PARN: variants seen among roughly 807,000 people sequenced by gnomAD.
PARN encodes the protein poly(A)-specific ribonuclease.
In PARN, 71 loss-of-function variants were observed where a neutral mutation model predicts 102.8. The observed-to-expected ratio is 0.69, with a 90% CI of 0.57 to 0.84. The LOEUF is 0.84. Among genes scored for constraint, PARN ranks in the 40% least tolerant of loss-of-function variants. The probability of loss-of-function intolerance (pLI) is 0.00; values close to 1 mark genes in which losing one functional copy is unlikely to be tolerated. For synonymous variants in PARN, 261 were observed against 252.9 expected (o/e 1.03, Z -0.30); for missense variants, 782 against 760.9 (o/e 1.03, Z -0.33).
intron 18 of PARN, among the ~76,000 whole-genome samples, chr16:14,572,667 A>G (rs548389117): frequency 1.3e-5 from 2 of 152,240 alleles, no homozygotes; most frequent in Non-Finnish European, 2.9e-5. Flanking sequence ...TCATGCTTCT[A>G]TTACGTACCA....
At chr16:14,458,109 T>C (rs1252028935) in intron 22 of PARN, among the ~76,000 whole-genome samples, 1 of 152,164 alleles carries the variant, frequency 6.6e-6, no homozygotes, top group African/African-American at 2.4e-5. Context: ...CTATTTTGAA[T>C]ATTTCAAACA....
chr16:14,444,787 G>C (rs1961121141), intron 23 of PARN, among the ~76,000 whole-genome samples: 1 of 152,102 alleles, frequency 6.6e-6, no homozygotes, highest in Non-Finnish European at 1.5e-5. Flanking sequence ...TGAAGACTAA[G>C]GATGCTACAG....
At chr16:14,574,356 T>C (rs576077557) in intron 18 of PARN, among the ~76,000 whole-genome samples, 1 of 152,296 alleles carries the variant, frequency 6.6e-6, no homozygotes, top group East Asian at 1.9e-4. Flanking sequence ...GTTAAAGGCA[T>C]TCAGTTTTAT....
intron 21 of PARN, among the ~76,000 whole-genome samples, chr16:14,522,512 A>G (rs1017735627): frequency 3.3e-5 from 5 of 152,198 alleles, no homozygotes; most frequent in South Asian, 2.1e-4. Context: ...TGGTCTCTTA[A>G]TAAGAGGGAA....
chr16:14,565,152 C>T (rs1202680762), intron 18 of PARN: 1 of 152,142 alleles, frequency 6.6e-6, no homozygotes, highest in Non-Finnish European at 1.5e-5. Context: ...CTAATTTTAT[C>T]ATCCAGGGTA....
At chr16:14,612,739 A>AG (rs888539452) in intron 6 of PARN, among the ~76,000 whole-genome samples, 1 of 151,752 alleles carries the variant, frequency 6.6e-6, no homozygotes, top group African/African-American at 2.4e-5. Flanking sequence ...CTGGGATTAC[A>AG]GGCGCCCGCC....
At chr16:14,614,846 C>CAA (rs57502376) in intron 6 of PARN, among the ~76,000 whole-genome samples, 686 of 37,668 alleles carry the variant, frequency 0.018, 73 homozygotes, top group Non-Finnish European at 0.022. Context: ...GAAACTGTCT[C>CAA]AAAAAAAAAA....
chr16:14,594,240 A>C (rs1042427975), intron 12 of PARN, among the ~76,000 whole-genome samples: 2 of 152,224 alleles, frequency 1.3e-5, no homozygotes, highest in Non-Finnish European at 2.9e-5. Flanking sequence ...ATCCATTAAA[A>C]GTCACTGCCT....
chr16:14,539,181 C>G (rs769680853), intron 21 of PARN, among the ~76,000 whole-genome samples: 1 of 152,208 alleles, frequency 6.6e-6, no homozygotes, highest in Admixed American at 6.5e-5. Context: ...CTGTCTTTCA[C>G]AAAACCAGTC....
At chr16:14,605,604 T>C (rs1971130824) in intron 10 of PARN, among the ~76,000 whole-genome samples, 1 of 152,342 alleles carries the variant, frequency 6.6e-6, no homozygotes, top group Non-Finnish European at 1.5e-5. Flanking sequence ...TTCTTTCTCA[T>C]ATATTTTGTG....
intron 20 of PARN, 66 bp from the exon 21 acceptor site, chr16:14,552,161 C>T (rs1967346386): frequency 4.3e-6 from 4 of 929,980 alleles, no homozygotes; most frequent in African/African-American, 3.3e-5. Flanking sequence ...ATTTAATGCG[C>T]GTATCTTACA....
At chr16:14,518,830 G>C (rs1965594412) in intron 21 of PARN, among the ~76,000 whole-genome samples, 1 of 152,140 alleles carries the variant, frequency 6.6e-6, no homozygotes, top group Non-Finnish European at 1.5e-5. Flanking sequence ...ATTTTTAAAA[G>C]TGATCTCTAA....
At chr16:14,614,220 G>A (rs1023706313) in intron 6 of PARN, among the ~76,000 whole-genome samples, 14 of 151,830 alleles carry the variant, frequency 9.2e-5, no homozygotes, top group Admixed American at 2.6e-4. Context: ...ATGTGCCAGT[G>A]CACTCCAGCC....
intron 18 of PARN, among the ~76,000 whole-genome samples, chr16:14,580,104 GT>G (rs1969425295): frequency 6.6e-6 from 1 of 151,964 alleles, no homozygotes; most frequent in African/African-American, 2.4e-5. Flanking sequence ...AGAAAATCAT[GT>G]TTTCTACAGG....
rs558144162 is a variant in PARN at position 14,436,474 on chromosome 16, G to A, written c.*243C>T. The A allele has an allele frequency of 5.1e-4, 290 of 566,416 alleles. 1 individual carries two copies. Among genetic ancestry groups the A allele is most frequent in the Non-Finnish European group, 7.1e-4 (227 of 318,742 alleles). The allele number at this position is 566,416 out of a possible 1,614,324, so 35.1% of individuals were successfully genotyped here. On this transcript the variant is annotated 3_prime_UTR_variant, in exon 24 of 24. Transcript: ENST00000437198. ...AACACGGAATTCACTGGTTAAGCAC[G>A]TACACATTCATGACAGCCTACAACC...
chr16:14,556,140 A>T (rs533922948), intron 18 of PARN, among the ~76,000 whole-genome samples: 1 of 148,898 alleles, frequency 6.7e-6, no homozygotes, highest in Non-Finnish European at 1.5e-5. Context: ...TGGCTTTATA[A>T]TTATTATTAT....
chr16:14,495,139 T>C (rs1180181769), intron 21 of PARN, among the ~76,000 whole-genome samples: 2 of 151,968 alleles, frequency 1.3e-5, no homozygotes, highest in African/African-American at 2.4e-5. Context: ...TGGGAAGCTG[T>C]GGCCTGAAAA....
chr16:14,470,055 T>G (rs2151582881), intron 22 of PARN, among the ~76,000 whole-genome samples: 1 of 152,294 alleles, frequency 6.6e-6, no homozygotes, highest in South Asian at 2.1e-4. Flanking sequence ...ATAATGAGAC[T>G]TTTAATTATG....
chr16:14,589,820 C>A (rs11866915), intron 13 of PARN, among the ~76,000 whole-genome samples: 1 of 149,204 alleles, frequency 6.7e-6, no homozygotes, highest in African/African-American at 2.5e-5. Flanking sequence ...TGGGCCAAGA[C>A]TGCACCACTG....
Sources: gnomAD v4.1 joint callset for allele counts (sites outside exome capture counted in the v4.1 genomes callset) on GRCh38, gnomAD v4.1.1 for gene constraint, MANE v1.5 for transcripts, NCBI Gene and HGNC (gene_info 2026-07-23, HGNC 2026-07-21) for gene names.